The following PRKCSH variants were observed in gnomAD, a reference collection of about 807,000 sequenced individuals.
PRKCSH encodes PRKCSH beta subunit of glucosidase II, also known as glucosidase 2 subunit beta.
In PRKCSH, 42 loss-of-function variants were observed where a neutral mutation model predicts 79.7. The ratio of observed to expected loss-of-function variants is 0.53; its 90% CI spans 0.41 to 0.68. The LOEUF is 0.68. Ranked by LOEUF, PRKCSH falls within the 30% of genes least tolerant of loss-of-function variation. PRKCSH has a pLI of 0.00. For missense variants in PRKCSH, 686 were observed against 709.0 expected (o/e 0.97, Z 0.37); for synonymous variants, 325 against 288.2 (o/e 1.13, Z -1.29).
intron 5 of PRKCSH, among the ~76,000 whole-genome samples, chr19:11,440,415 G>A (rs1327823144): frequency 1.3e-5 from 2 of 151,060 alleles, no homozygotes; most frequent in Non-Finnish European, 2.9e-5. Context: ...GTCTCCCAAA[G>A]TGCTGGGATT....
At position 11,445,543 on chromosome 19, in the gene PRKCSH, T is replaced by C. The variant is rs1599500395; in HGVS notation, c.683+70T>C. On this transcript the variant is annotated intron_variant, in intron 8 of 17. Transcript: ENST00000677123. ...GGTTTCCCTCCCCGCCACCCTCGCC[T>C]CTAGAAACCAGCCAGATCCTCCTTG... The C allele has an allele frequency of 3.4e-6, 5 of 1,478,862 alleles. No homozygotes were observed. In the East Asian group the frequency reaches 1.2e-4, roughly 34 times the overall value. 91.6% of individuals were successfully genotyped at this position (1,478,862 alleles called of 1,614,324 possible).
At chr19:11,441,515 G>A (rs1195138564) in intron 6 of PRKCSH, among the ~76,000 whole-genome samples, 158 bp downstream of exon 6, 1 of 152,168 alleles carries the variant, frequency 6.6e-6, no homozygotes, top group Admixed American at 6.6e-5. Flanking sequence ...TAGGCGTTTA[G>A]TCATTGGCTA....
Position 11,437,861 on chromosome 19 carries a change from CCTT to C in PRKCSH, c.197-10_197-8del, listed in dbSNP as rs765562443. 6.2e-7 allele frequency: 1 copy of C among 1,613,312 alleles called. No homozygotes were observed. Among genetic ancestry groups the C allele is most frequent in the South Asian group, 1.1e-5 (1 of 91,028 alleles). ...GAGCTGACTCCGAAAACCTTCCCTC[CCTT>C]CTTCCTCACAGGCACGGCTGCCTGT... is the stretch of plus-strand genomic sequence containing the variant. On this transcript the variant is annotated splice_polypyrimidine_tract_variant and intron_variant, in intron 3 of 17. Transcript: ENST00000677123.
At chr19:11,439,434 G>T (rs1034836866) in intron 5 of PRKCSH, among the ~76,000 whole-genome samples, 1 of 149,900 alleles carries the variant, frequency 6.7e-6, no homozygotes, top group African/African-American at 2.5e-5. Context: ...AAATTAAAAA[G>T]TAAAAATAAA....
Position 11,448,188 on chromosome 19 carries a change from T to C in PRKCSH, c.1127-34T>C, listed in dbSNP as rs1234843969. ...CGTTCCCCATCCTCCTGGATGGGGT[T>C]GAGGACATCTCTGACCTCCAACCCC... On this transcript the variant is annotated intron_variant, in intron 12 of 17. Coordinates refer to ENST00000677123, the MANE Select transcript of PRKCSH (RefSeq NM_001289104.2). The surrounding 1 kb of genome is among the most constrained non-coding windows in gnomAD (Gnocchi z 4.4). 6.5e-6 allele frequency: 10 copies of C among 1,545,966 alleles called. No individual in the cohort carries two copies. The highest frequency in any genetic ancestry group is 8.8e-6 in the Non-Finnish European group (10 of 1,141,944).
intron 6 of PRKCSH, among the ~76,000 whole-genome samples, chr19:11,441,647 T>A (rs961287346): frequency 2.0e-5 from 3 of 152,190 alleles, no homozygotes; most frequent in Non-Finnish European, 4.4e-5. Context: ...TGCTTCTCTG[T>A]ACCCCGGATC....
Position 11,448,086 on chromosome 19 carries a change from C to G in PRKCSH, c.1127-136C>G. The G allele has an allele frequency of 9.9e-7, 1 of 1,011,222 alleles. No homozygotes were observed. Among genetic ancestry groups the G allele is most frequent in the Non-Finnish European group, 1.5e-6 (1 of 659,882 alleles). 62.6% of individuals were successfully genotyped at this position (1,011,222 alleles called of 1,614,324 possible). On this transcript the variant is annotated intron_variant, in intron 12 of 17. Coordinates refer to ENST00000677123, the MANE Select transcript of PRKCSH (RefSeq NM_001289104.2). The surrounding 1 kb of genome is among the most constrained non-coding windows in gnomAD (Gnocchi z 4.4). ...GGGCTGCTCTATAGCTGGTGAGGCC[C>G]TCAAGGCTGTCGGGGTGAAGTCCTT... is the stretch of plus-strand genomic sequence containing the variant.
intron 7 of PRKCSH, among the ~76,000 whole-genome samples, chr19:11,444,790 C>G (rs1970217841): frequency 6.6e-6 from 1 of 152,076 alleles, no homozygotes; most frequent in Non-Finnish European, 1.5e-5. Flanking sequence ...GCCCCCAGGA[C>G]CGGTCTCCCT....
chr19:11,438,030 C>T, intron 4 of PRKCSH, 37 bp from the exon 5 acceptor site: 3 of 1,614,054 alleles, frequency 1.9e-6, no homozygotes, highest in Non-Finnish European at 2.5e-6. Flanking sequence ...GGAGGAGGCA[C>T]TGCCAGGTCT....
intron 7 of PRKCSH, 144 bp downstream of exon 7, chr19:11,442,659 T>A: frequency 7.4e-7 from 1 of 1,345,008 alleles, no homozygotes; most frequent in Non-Finnish European, 1.0e-6. Flanking sequence ...TGAGGTTCGC[T>A]TGGATTGTGG....
At chr19:11,446,942 G>T in intron 9 of PRKCSH, 132 bp from the exon 10 acceptor site, 1 of 907,294 alleles carries the variant, frequency 1.1e-6, no homozygotes, top group Non-Finnish European at 1.8e-6. Context: ...CCTCACTGGC[G>T]TGGCCCTGGC....
At chr19:11,445,523 C>T in intron 8 of PRKCSH, 50 bp downstream of exon 8, 1 of 1,572,362 alleles carries the variant, frequency 6.4e-7, no homozygotes, top group Non-Finnish European at 8.7e-7. Flanking sequence ...GCCTGGGTTT[C>T]CCTCCCCGCC....
At chr19:11,445,580 C>A in intron 8 of PRKCSH, 107 bp downstream of exon 8, 2 of 1,125,968 alleles carry the variant, frequency 1.8e-6, no homozygotes, top group Non-Finnish European at 1.3e-6. Context: ...GTTCCCCCGG[C>A]GTGGGGTCCA....
chr19:11,439,557 C>G (rs1037245903), intron 5 of PRKCSH, among the ~76,000 whole-genome samples: 3 of 150,702 alleles, frequency 2.0e-5, no homozygotes, highest in Non-Finnish European at 4.4e-5. Context: ...GAGTTTGAGA[C>G]CAGCCTGGGC....
chr19:11,447,772 C>T lies in PRKCSH; in HGVS notation c.1109C>T (p.Thr370Met), dbSNP rs183082443. ...AAAATGCCGCCCTACGACGAGCAGA[C>T]GCAGGCCTTCATCGATGGTGAGGGT... is the stretch of plus-strand genomic sequence containing the variant. ...EDKMPPYDEQ[T>M]QAFIDAAQEA... The change falls in exon 12 of 18, where the codon ACG becomes ATG. Residue 370 changes from threonine (T) to methionine (M), a missense_variant. Physicochemically the swap from Thr to Met is moderately conservative, Grantham distance 81 (BLOSUM62 -1). Around this residue, in one of 2 missense-constraint regions of PRKCSH, gnomAD observed 549 missense variants for 520.2 expected, o/e 1.06. Coordinates refer to ENST00000677123, the MANE Select transcript of PRKCSH (RefSeq NM_001289104.2). This position sits in a 1 kb window ranked among gnomAD's most constrained non-coding sequence, Gnocchi z 5.6. 18 of 1,583,640 alleles carry T rather than the reference C, an allele frequency of 1.1e-5. No homozygotes were observed. In the East Asian group the frequency reaches 1.4e-4, roughly 12 times the overall value.
chr19:11,440,277 A>C (rs1309577376), intron 5 of PRKCSH, among the ~76,000 whole-genome samples: 2 of 151,164 alleles, frequency 1.3e-5, no homozygotes, highest in Admixed American at 1.3e-4. Flanking sequence ...CCTCCCGAGT[A>C]GCTGGGACTA....
In PRKCSH at chr19:11,446,356, C is replaced by T. The variant is rs1970298559; in HGVS notation, c.762+6C>T. 6.2e-7 allele frequency: 1 copy of T among 1,611,834 alleles called. No homozygotes were observed. The highest frequency in any genetic ancestry group is 8.5e-7 in the Non-Finnish European group (1 of 1,178,934). On this transcript the variant is annotated splice_donor_region_variant and intron_variant, in intron 9 of 17. Transcript: ENST00000677123. ...TGTCAGAAGCGGAAGCTCAGGTACC[C>T]CCGGCTGCCCCTTGGTTGGGGACTT...
chr19:11,441,761 G>A lies in PRKCSH; in HGVS notation c.468+404G>A, dbSNP rs141218734. 1.9e-4 allele frequency among the ~76,000 whole-genome samples: 29 copies of A among 152,300 alleles called. No individual in the cohort carries two copies. The East Asian group carries it at 4.6e-3, about 24-fold the overall frequency. On this transcript the variant is annotated intron_variant, in intron 6 of 17. Coordinates refer to ENST00000677123, the MANE Select transcript of PRKCSH (RefSeq NM_001289104.2). The stretch of plus-strand genomic sequence containing the variant: ...GTAGCAGCTGGATTAATTCCATAGG[G>A]TGGGTGCTTTGGGGTCCCTAGGTGT...
At chr19:11,438,963 A>G (rs994289583) in intron 5 of PRKCSH, among the ~76,000 whole-genome samples, 1 of 151,516 alleles carries the variant, frequency 6.6e-6, no homozygotes, top group Non-Finnish European at 1.5e-5. Context: ...GCTGGAGTGC[A>G]GTGGCGTGAT....
Sources: allele counts gnomAD v4.1 joint callset (sites outside exome capture counted in the v4.1 genomes callset), GRCh38; gene constraint gnomAD v4.1.1; regional missense constraint gnomAD v4.1.1; non-coding constraint Gnocchi (gnomAD v3.1); transcripts MANE v1.5; gene names NCBI Gene and HGNC (gene_info 2026-07-23, HGNC 2026-07-21).